Variants in PRKG1 observed in about 807,000 individuals in gnomAD.
PRKG1 encodes protein kinase cGMP-dependent 1.
A neutral mutation model predicts 88.1 loss-of-function variants in PRKG1; 35 were observed. That is an observed-to-expected ratio of 0.40 (90% CI 0.30 to 0.53). The LOEUF is 0.53. Among genes scored for constraint, PRKG1 ranks in the 20% least tolerant of loss-of-function variants. The pLI is 0.59. For missense variants in PRKG1, 540 were observed against 839.8 expected (o/e 0.64, Z 4.41); for synonymous variants, 303 against 292.5 (o/e 1.04, Z -0.37).
intron 3 of PRKG1, among the ~76,000 whole-genome samples, chr10:51,499,131 G>C (rs1840949815): frequency 6.6e-6 from 1 of 152,200 alleles, no homozygotes; most frequent in Admixed American, 6.5e-5. Flanking sequence ...AAACCAAAGA[G>C]ACATAACTTA....
At chr10:51,164,179 G>A (rs1201477641) in intron 2 of PRKG1, among the ~76,000 whole-genome samples, 5 of 152,114 alleles carry the variant, frequency 3.3e-5, no homozygotes, top group African/African-American at 1.2e-4. Context: ...TCACATGGCT[G>A]GGTACTTCTC....
rs34697221 is a variant in PRKG1 at position 51,907,376 on chromosome 10, A to AT, written c.699-118dup. On this transcript the variant is annotated intron_variant, in intron 4 of 17. Coordinates refer to ENST00000373980, the MANE Select transcript of PRKG1 (RefSeq NM_006258.4). ...TTTTTTCAGGTTGTGTGGCTAATGC[A>AT]TTTTTTTTTTTTTGGCAGATTCCTT... 90,913 of 527,416 alleles carry AT rather than the reference A, an allele frequency of 0.17. 3,247 individuals are homozygous for AT. Among genetic ancestry groups the AT allele is most frequent in the Admixed American group, 0.27 (6,657 of 24,504 alleles). The allele number at this position is 527,416 out of a possible 1,614,324, so 32.7% of individuals were successfully genotyped here.
intron 2 of PRKG1, among the ~76,000 whole-genome samples, chr10:51,454,956 T>C (rs1839543085): frequency 6.6e-6 from 1 of 152,218 alleles, no homozygotes; most frequent in Non-Finnish European, 1.5e-5. Context: ...CAACATCTTA[T>C]CTCATTTCAG....
At position 52,297,784 on chromosome 10, in the gene PRKG1, T is replaced by G. The variant is rs1842410969; in HGVS notation, c.*3884T>G. ...TCCAACCGAAAAGAAAAATTGGAAATGACTGCTAACCAGACCTCGTTATGA... is the reference window on the plus strand; with the variant it reads ...TCCAACCGAAAAGAAAAATTGGAAAGGACTGCTAACCAGACCTCGTTATGA... On this transcript the variant is annotated 3_prime_UTR_variant, in exon 18 of 18. Transcript: ENST00000373980. 1 of 152,166 alleles carries G rather than the reference T, an allele frequency of 6.6e-6. No homozygotes were observed. Among genetic ancestry groups the G allele is most frequent in the Non-Finnish European group, 1.5e-5 (1 of 68,016 alleles). The allele number at this position is 152,166 out of a possible 1,614,324, so 9.4% of individuals were successfully genotyped here. A position where few individuals can be genotyped will look rare whatever the true frequency, so the allele number is the denominator to read the frequency against.
chr10:51,598,900 C>T (rs931772903), intron 3 of PRKG1, among the ~76,000 whole-genome samples: 5 of 151,986 alleles, frequency 3.3e-5, no homozygotes, highest in Admixed American at 6.6e-5. Flanking sequence ...TCATGTTTCC[C>T]GTTTTGCATG....
At chr10:52,121,296 C>A (rs150039720) in intron 7 of PRKG1, among the ~76,000 whole-genome samples, 1 of 152,090 alleles carries the variant, frequency 6.6e-6, no homozygotes, top group Non-Finnish European at 1.5e-5. Context: ...GATCTTTGTC[C>A]CATATTCTTG....
chr10:51,757,477 G>A (rs1445437613), intron 3 of PRKG1, among the ~76,000 whole-genome samples: 1 of 152,102 alleles, frequency 6.6e-6, no homozygotes, highest in Non-Finnish European at 1.5e-5. Flanking sequence ...ATAGATAAAA[G>A]GCTTTGAAGG....
At chr10:51,314,926 AG>A (rs1309677001) in intron 2 of PRKG1, among the ~76,000 whole-genome samples, 1 of 152,174 alleles carries the variant, frequency 6.6e-6, no homozygotes, top group Non-Finnish European at 1.5e-5. Context: ...TATGCCCTTG[AG>A]TTGGTTTCTA....
At chr10:52,170,905 T>A (rs1260591532) in intron 9 of PRKG1, among the ~76,000 whole-genome samples, 2 of 152,214 alleles carry the variant, frequency 1.3e-5, no homozygotes, top group Non-Finnish European at 2.9e-5. Context: ...GAACGGCTGC[T>A]GTTGTTCAGG....
intron 3 of PRKG1, among the ~76,000 whole-genome samples, chr10:51,662,085 G>A (rs930066280): frequency 2.6e-5 from 4 of 152,096 alleles, no homozygotes; most frequent in Admixed American, 1.3e-4. Context: ...CATAGGGTGG[G>A]GGAATAGGGG....
Position 52,133,865 on chromosome 10 carries a change from A to G in PRKG1, c.961A>G (p.Ile321Val). Residue 321 changes from isoleucine to valine, a missense_variant, in exon 8 of 18, where the codon ATT becomes GTT. Around this residue, in one of 5 missense-constraint regions of PRKG1, gnomAD observed 400 missense variants for 562.7 expected, o/e 0.71. Transcript: ENST00000373980. Reference sequence around the variant, plus strand: ...GGAAGATGTGAGAACAGCAAACGTAATTGCTGCAGAAGCTGTAACCTGCCT... The same window carrying G: ...GGAAGATGTGAGAACAGCAAACGTAGTTGCTGCAGAAGCTGTAACCTGCCT... The part of the protein sequence containing the change: ...QGEDVRTANV[I>V]AAEAVTCLVI... 2 of 1,613,234 alleles carry G rather than the reference A, an allele frequency of 1.2e-6. No individual in the cohort carries two copies. The highest frequency in any genetic ancestry group is 1.7e-6 in the Non-Finnish European group (2 of 1,179,438).
chr10:51,339,333 G>A (rs533302134), intron 2 of PRKG1, among the ~76,000 whole-genome samples: 1 of 151,930 alleles, frequency 6.6e-6, no homozygotes, highest in African/African-American at 2.4e-5. Flanking sequence ...CTTCTAGAAA[G>A]GTTCACCAGA....
chr10:51,672,410 T>C (rs538226144), intron 3 of PRKG1, among the ~76,000 whole-genome samples: 1 of 152,224 alleles, frequency 6.6e-6, no homozygotes, highest in African/African-American at 2.4e-5. Flanking sequence ...ATTTTTGTGA[T>C]TATACTTTTT....
At chr10:51,284,730 G>GT in intron 2 of PRKG1, among the ~76,000 whole-genome samples, 1 of 152,026 alleles carries the variant, frequency 6.6e-6, no homozygotes, top group South Asian at 2.1e-4. Context: ...GGCTTACTAG[G>GT]TTTTCTGTCC....
rs200338026 is a variant in PRKG1 at position 52,085,046 on chromosome 10, C to A, written c.935+22415C>A. Among the ~76,000 whole-genome samples the A allele has an allele frequency of 1.8e-4, 27 of 152,066 alleles. No homozygotes were observed. The East Asian group carries it at 5.2e-3, about 29-fold the overall frequency. ...CTTTGCCAGAATATTATATAAGTGA[C>A]GTTGTATTCTTCCCAGGGTATCAAA... On this transcript the variant is annotated intron_variant, in intron 7 of 17. Coordinates refer to ENST00000373980, the MANE Select transcript of PRKG1 (RefSeq NM_006258.4).
At chr10:51,666,317 T>G (rs1217972155) in intron 3 of PRKG1, among the ~76,000 whole-genome samples, 2 of 152,184 alleles carry the variant, frequency 1.3e-5, no homozygotes, top group East Asian at 3.9e-4. Flanking sequence ...AGTTGGCCCC[T>G]TGATGGTTTT....
intron 3 of PRKG1, among the ~76,000 whole-genome samples, chr10:51,568,027 G>A (rs140313667): frequency 6.6e-6 from 1 of 151,976 alleles, no homozygotes; most frequent in East Asian, 1.9e-4. Context: ...CCCTGTTCAT[G>A]GAAAAAATGT....
intron 2 of PRKG1, among the ~76,000 whole-genome samples, chr10:51,321,364 A>T (rs1285438248): frequency 6.6e-6 from 1 of 152,228 alleles, no homozygotes; most frequent in East Asian, 1.9e-4. Context: ...GGCACATAAG[A>T]AGCAAACAAT....
chr10:51,508,413 C>A (rs182912132), intron 3 of PRKG1, among the ~76,000 whole-genome samples: 96 of 152,258 alleles, frequency 6.3e-4, no homozygotes, highest in Non-Finnish European at 9.9e-4. Flanking sequence ...AAGGGTGTGG[C>A]TATGCCATGC....
Sources: gnomAD v4.1 joint callset for allele counts (sites outside exome capture counted in the v4.1 genomes callset) on GRCh38, gnomAD v4.1.1 for gene constraint, gnomAD v4.1.1 regional missense constraint, MANE v1.5 for transcripts, NCBI Gene and HGNC (gene_info 2026-07-23, HGNC 2026-07-21) for gene names.